The following HMCN1 variants were observed in gnomAD, a reference collection of about 807,000 sequenced individuals.
HMCN1 encodes the protein hemicentin 1, also known as hemicentin-1.
Under a neutral mutation model 625.9 loss-of-function variants are expected in HMCN1, and 321 were observed. That is an observed-to-expected ratio of 0.51 (90% confidence interval 0.47 to 0.56). The LOEUF is 0.56. HMCN1 is among the 20% of genes least tolerant of loss of function. HMCN1 has a pLI of 0.00. For missense variants in HMCN1, 6,588 were observed against 6,887.3 expected (o/e 0.96, Z 1.54); for synonymous variants, 2,425 against 2,417.6 (o/e 1.00, Z -0.09).
At chr1:185,833,787 A>G (rs1415095719) in intron 1 of HMCN1, among the ~76,000 whole-genome samples, 2 of 152,000 alleles carry the variant, frequency 1.3e-5, no homozygotes, top group Non-Finnish European at 2.9e-5. Context: ...TCTTTTTCTT[A>G]ATTGTTTTTT....
intron 6 of HMCN1, among the ~76,000 whole-genome samples, chr1:185,914,849 A>T (rs1453938707): frequency 1.3e-5 from 2 of 151,880 alleles, no homozygotes; most frequent in East Asian, 1.9e-4. Flanking sequence ...CTTTTTCTAT[A>T]GACCAGATTT....
At position 186,132,324 on chromosome 1, in the gene HMCN1, A is replaced by G. The variant is rs191690433; in HGVS notation, c.13231-4A>G. On this transcript the variant is annotated splice_region_variant and splice_polypyrimidine_tract_variant and intron_variant, in intron 85 of 106. Transcript: ENST00000271588. ...TTTTGTAAAAACGCTGCTTATTTCC[A>G]TAGAATGAAGATGCCGGTGACTATA... The G allele has an allele frequency of 1.6e-4, 255 of 1,611,444 alleles. No homozygotes were observed. In the African/African-American group the frequency reaches 3.1e-3, roughly 19 times the overall value.
intron 4 of HMCN1, among the ~76,000 whole-genome samples, chr1:185,870,811 A>G (rs1196440931): frequency 6.6e-6 from 1 of 152,242 alleles, no homozygotes; most frequent in Non-Finnish European, 1.5e-5. Context: ...GCAGGGTATC[A>G]GTAACTGAAG....
At chr1:186,036,488 C>T (rs913906620) in intron 36 of HMCN1, among the ~76,000 whole-genome samples, 1 of 152,116 alleles carries the variant, frequency 6.6e-6, no homozygotes. Flanking sequence ...TGGAGGAAAC[C>T]GCTCCCATGA....
chr1:186,083,630 C>T (rs1383541469), intron 57 of HMCN1, among the ~76,000 whole-genome samples: 1 of 151,462 alleles, frequency 6.6e-6, no homozygotes, highest in East Asian at 1.9e-4. Flanking sequence ...CCTTTACATA[C>T]ATAATACACA....
intron 22 of HMCN1, among the ~76,000 whole-genome samples, chr1:185,992,401 C>T (rs760521169): frequency 3.3e-5 from 5 of 152,108 alleles, no homozygotes; most frequent in Non-Finnish European, 7.4e-5. Flanking sequence ...TTTTGGACTT[C>T]AATCTATCTG....
At chr1:186,033,167 C>T (rs2102206407) in intron 36 of HMCN1, among the ~76,000 whole-genome samples, 1 of 152,018 alleles carries the variant, frequency 6.6e-6, no homozygotes, top group South Asian at 2.1e-4. Flanking sequence ...GAGCTGGAGG[C>T]CAGTATTCTA....
intron 29 of HMCN1, among the ~76,000 whole-genome samples, chr1:186,006,078 G>A (rs1161188728): frequency 1.3e-5 from 2 of 150,948 alleles, no homozygotes; most frequent in Non-Finnish European, 2.9e-5. Flanking sequence ...AGAGGTTGCA[G>A]TGAGCTGAAA....
At chr1:186,116,636 T>C (rs720971) in intron 75 of HMCN1, among the ~76,000 whole-genome samples, 97,515 of 151,888 alleles carry the variant, frequency 0.64, 33,407 homozygotes, top group African/African-American at 0.9. Flanking sequence ...GCCTGGAGTG[T>C]ATCTGATGCC....
chr1:185,953,434 G>A (rs1309051838), intron 11 of HMCN1, among the ~76,000 whole-genome samples: 3 of 151,812 alleles, frequency 2.0e-5, no homozygotes, highest in Admixed American at 6.6e-5. Context: ...GTCCATGACC[G>A]GCACCGGAGT....
intron 2 of HMCN1, among the ~76,000 whole-genome samples, chr1:185,850,127 G>T (rs1023114578): frequency 9.2e-5 from 14 of 152,170 alleles, no homozygotes; most frequent in Non-Finnish European, 1.9e-4. Flanking sequence ...TCATCTGGAA[G>T]ATAAACCAGT....
At chr1:185,861,974 A>G (rs1558022529) in intron 2 of HMCN1, among the ~76,000 whole-genome samples, 1 of 152,234 alleles carries the variant, frequency 6.6e-6, no homozygotes, top group Non-Finnish European at 1.5e-5. Context: ...GAATTTAGAC[A>G]TGCATATTTT....
chr1:185,788,789 A>ATTT (rs11374278), intron 1 of HMCN1, among the ~76,000 whole-genome samples: 2 of 151,010 alleles, frequency 1.3e-5, no homozygotes, highest in African/African-American at 4.9e-5. Flanking sequence ...TTTTTAATGG[A>ATTT]TTTTTTTTTC....
chr1:186,061,767 A>G, intron 46 of HMCN1, 84 bp from the exon 47 acceptor site: 1 of 824,892 alleles, frequency 1.2e-6, no homozygotes, highest in Non-Finnish European at 2.0e-6. Flanking sequence ...TTAAATTTTT[A>G]CCGAAATTGA....
At chr1:186,136,169 C>G (rs1649592308) in intron 86 of HMCN1, among the ~76,000 whole-genome samples, 1 of 118,922 alleles carries the variant, frequency 8.4e-6, no homozygotes, top group Non-Finnish European at 1.7e-5. Flanking sequence ...AAGGGAGACT[C>G]TGGCTCAAAA....
intron 1 of HMCN1, among the ~76,000 whole-genome samples, chr1:185,806,558 A>C (rs1659185429): frequency 6.6e-6 from 1 of 151,862 alleles, no homozygotes; most frequent in Non-Finnish European, 1.5e-5. Flanking sequence ...AAAAAAAAAA[A>C]AAAAAAAAGA....
At chr1:185,891,880 C>A (rs981914846) in intron 4 of HMCN1, among the ~76,000 whole-genome samples, 1 of 147,808 alleles carries the variant, frequency 6.8e-6, no homozygotes, top group Non-Finnish European at 1.5e-5. Context: ...TGGGGAAATT[C>A]TCCAGGATAA....
intron 34 of HMCN1, among the ~76,000 whole-genome samples, chr1:186,019,082 C>T (rs1654549767): frequency 6.6e-6 from 1 of 152,012 alleles, no homozygotes; most frequent in African/African-American, 2.4e-5. Flanking sequence ...TTTTCAGTCT[C>T]AGTCACAATT....
intron 48 of HMCN1, 103 bp downstream of exon 48, chr1:186,062,703 G>A (rs1657792115): frequency 2.7e-6 from 2 of 751,480 alleles, no homozygotes; most frequent in African/African-American, 1.7e-5. Context: ...GGGGGTACAA[G>A]TGCGGTTTTG....
Sources: allele counts gnomAD v4.1 joint callset (sites outside exome capture counted in the v4.1 genomes callset), GRCh38; gene constraint gnomAD v4.1.1; transcripts MANE v1.5; gene names NCBI Gene and HGNC (gene_info 2026-07-23, HGNC 2026-07-21).